The following NRG3 variants were observed in gnomAD, a reference collection of about 807,000 sequenced individuals.
The protein encoded by NRG3 is neuregulin 3, also known as pro-neuregulin-3, membrane-bound isoform.
Under a neutral mutation model 66.9 loss-of-function variants are expected in NRG3, and 31 were observed. The observed-to-expected ratio is 0.46, with a 90% CI of 0.35 to 0.63. The LOEUF is 0.63. NRG3 is among the 20% of genes least tolerant of loss of function. NRG3 has a pLI of 0.00. For synonymous variants in NRG3, 393 were observed against 359.4 expected (o/e 1.09, Z -1.06); for missense variants, 910 against 878.9 (o/e 1.04, Z -0.45).
chr10:81,882,401 A>ATG (rs143311321), intron 1 of NRG3, among the ~76,000 whole-genome samples: 58 of 151,862 alleles, frequency 3.8e-4, no homozygotes, highest in African/African-American at 7.0e-4. Context: ...TAACAAATAT[A>ATG]TGTGTGTGTG....
Position 82,961,455 on chromosome 10 carries a change from A to C in NRG3, c.1284+2380A>C, listed in dbSNP as rs192149622. 7.7e-4 allele frequency among the ~76,000 whole-genome samples: 118 copies of C among 152,328 alleles called. No homozygotes were observed. The South Asian group carries it at 0.011, about 14-fold the overall frequency. On this transcript the variant is annotated intron_variant, in intron 6 of 8. Transcript: ENST00000372141. The stretch of plus-strand genomic sequence containing the variant: ...TATACCCACAATGTGCAGAAAATAG[A>C]AATGGGATTTGGAGCTTGAGAAAGG...
intron 4 of NRG3, among the ~76,000 whole-genome samples, chr10:82,880,872 C>T (rs770465736): frequency 1.3e-5 from 2 of 152,128 alleles, no homozygotes; most frequent in Non-Finnish European, 2.9e-5. Context: ...TATCTGGCAA[C>T]CCCTGCTGTA....
At chr10:82,618,456 T>C (rs1349764943) in intron 2 of NRG3, among the ~76,000 whole-genome samples, 2 of 152,046 alleles carry the variant, frequency 1.3e-5, no homozygotes, top group Non-Finnish European at 2.9e-5. Context: ...TAGGAAAGAG[T>C]GTACCTAAAT....
At chr10:82,875,453 G>C (rs960319631) in intron 4 of NRG3, among the ~76,000 whole-genome samples, 1 of 152,098 alleles carries the variant, frequency 6.6e-6, no homozygotes, top group African/African-American at 2.4e-5. Flanking sequence ...GACCTCCCAG[G>C]CTCAAGTCTT....
intron 2 of NRG3, among the ~76,000 whole-genome samples, chr10:82,612,268 G>A (rs1033925644): frequency 4.6e-5 from 7 of 151,880 alleles, no homozygotes; most frequent in African/African-American, 7.3e-5. Context: ...AATTCTTAAC[G>A]TTGTATGTCT....
intron 2 of NRG3, among the ~76,000 whole-genome samples, chr10:82,473,715 T>C (rs2132076481): frequency 6.6e-6 from 1 of 152,226 alleles, no homozygotes; most frequent in South Asian, 2.1e-4. Flanking sequence ...AACTGAAGAT[T>C]GCAGAGAACT....
chr10:82,601,203 A>T (rs2047607316), intron 2 of NRG3, among the ~76,000 whole-genome samples: 1 of 152,160 alleles, frequency 6.6e-6, no homozygotes, highest in Non-Finnish European at 1.5e-5. Context: ...ATTGATGGGC[A>T]CCTAGGTTGA....
At chr10:82,629,835 A>C (rs1357840007) in intron 2 of NRG3, among the ~76,000 whole-genome samples, 1 of 152,212 alleles carries the variant, frequency 6.6e-6, no homozygotes, top group Non-Finnish European at 1.5e-5. Flanking sequence ...GATAGTCTTG[A>C]CAATAAGGAC....
chr10:82,923,606 T>C (rs1348707640), intron 4 of NRG3, among the ~76,000 whole-genome samples: 2 of 152,198 alleles, frequency 1.3e-5, no homozygotes, highest in African/African-American at 4.8e-5. Flanking sequence ...AAATAAATGA[T>C]TTGGTAAATA....
At chr10:82,622,559 G>T (rs1448982437) in intron 2 of NRG3, among the ~76,000 whole-genome samples, 1 of 152,148 alleles carries the variant, frequency 6.6e-6, no homozygotes, top group Non-Finnish European at 1.5e-5. Context: ...AAGATGGTGT[G>T]AAAGCAATAC....
intron 1 of NRG3, among the ~76,000 whole-genome samples, chr10:82,098,054 TAC>T (rs61481796): frequency 0.13 from 19,067 of 146,518 alleles, 1,258 homozygotes; most frequent in East Asian, 0.31. Flanking sequence ...GCCACATATA[TAC>T]ACACACACAC....
chr10:82,718,357 C>T (rs927464671), intron 2 of NRG3, among the ~76,000 whole-genome samples: 9 of 152,248 alleles, frequency 5.9e-5, no homozygotes, highest in East Asian at 3.9e-4. Context: ...ACCAAGAACA[C>T]GATGATCATA....
At chr10:82,029,365 A>C (rs1312846200) in intron 1 of NRG3, among the ~76,000 whole-genome samples, 1 of 152,158 alleles carries the variant, frequency 6.6e-6, no homozygotes, top group Non-Finnish European at 1.5e-5. Flanking sequence ...AATGGGATTA[A>C]ATTAAATCAT....
chr10:82,515,089 C>T (rs76896034), intron 2 of NRG3, among the ~76,000 whole-genome samples: 1,870 of 152,122 alleles, frequency 0.012, 49 homozygotes, highest in African/African-American at 0.043. Context: ...TGTCAGACTC[C>T]CTGATTTTTG....
chr10:82,515,630 A>T, intron 2 of NRG3, among the ~76,000 whole-genome samples: 1 of 152,334 alleles, frequency 6.6e-6, no homozygotes, highest in Middle Eastern at 3.4e-3. Flanking sequence ...TTTATTTTGT[A>T]TAAAAGTTGT....
At chr10:82,105,622 A>C (rs1248805540) in intron 1 of NRG3, among the ~76,000 whole-genome samples, 4 of 152,170 alleles carry the variant, frequency 2.6e-5, no homozygotes, top group African/African-American at 9.7e-5. Context: ...TTGATGCCCT[A>C]CGTCATCCTC....
intron 4 of NRG3, among the ~76,000 whole-genome samples, chr10:82,882,485 A>T (rs191792925): frequency 1.3e-3 from 200 of 152,336 alleles, no homozygotes; most frequent in African/African-American, 4.6e-3. Context: ...CAAGCAAACA[A>T]CATTATAGAC....
intron 1 of NRG3, among the ~76,000 whole-genome samples, chr10:82,058,634 G>T (rs777474949): frequency 3.3e-5 from 5 of 151,704 alleles, no homozygotes; most frequent in Non-Finnish European, 7.4e-5. Flanking sequence ...TCCATCACAA[G>T]TTTTTTTATT....
At chr10:82,217,267 C>G (rs1210451976) in intron 1 of NRG3, among the ~76,000 whole-genome samples, 1 of 152,152 alleles carries the variant, frequency 6.6e-6, no homozygotes, top group Admixed American at 6.5e-5. Flanking sequence ...AAGCTGTAAG[C>G]TGGTAGTTAG....
Sources: allele counts gnomAD v4.1 joint callset (sites outside exome capture counted in the v4.1 genomes callset), GRCh38; gene constraint gnomAD v4.1.1; transcripts MANE v1.5; gene names NCBI Gene and HGNC (gene_info 2026-07-23, HGNC 2026-07-21).